Variants in RASGRP1 observed in about 807,000 individuals in gnomAD.
The protein encoded by RASGRP1 is RAS guanyl-releasing protein 1.
In RASGRP1, 37 loss-of-function variants were observed where a neutral mutation model predicts 95.1. The observed-to-expected ratio is 0.39, with a 90% confidence interval of 0.30 to 0.51. RASGRP1 has a LOEUF of 0.51. RASGRP1 is among the 20% of genes least tolerant of loss of function. RASGRP1 has a pLI of 0.80. For missense variants in RASGRP1, 711 were observed against 965.4 expected (o/e 0.74, Z 3.49); for synonymous variants, 325 against 353.4 (o/e 0.92, Z 0.90).
intron 2 of RASGRP1, among the ~76,000 whole-genome samples, chr15:38,553,765 A>G (rs1893429800): frequency 6.6e-6 from 1 of 152,208 alleles, no homozygotes; most frequent in African/African-American, 2.4e-5. Context: ...GAAAAATCTG[A>G]TAAAAGTGCT....
At chr15:38,501,979 C>T (rs547680569) in intron 12 of RASGRP1, among the ~76,000 whole-genome samples, 50 of 151,958 alleles carry the variant, frequency 3.3e-4, no homozygotes, top group African/African-American at 1.1e-3. Flanking sequence ...CTCAGCCTCC[C>T]GAGTAGCTGG....
intron 2 of RASGRP1, among the ~76,000 whole-genome samples, chr15:38,531,242 GTGGAGGAGC>G (rs1432538185): frequency 6.6e-6 from 1 of 152,232 alleles, no homozygotes; most frequent in East Asian, 1.9e-4. Context: ...GGGACAATGG[GTGGAGGAGC>G]TGGGACCTGG....
chr15:38,549,219 T>TGGTGC (rs1365989014), intron 2 of RASGRP1, among the ~76,000 whole-genome samples: 1 of 152,196 alleles, frequency 6.6e-6, no homozygotes, highest in Admixed American at 6.5e-5. Flanking sequence ...AATCCAATTG[T>TGGTGC]GGTGCTCATG....
At chr15:38,535,092 T>C (rs959610823) in intron 2 of RASGRP1, among the ~76,000 whole-genome samples, 12 of 152,188 alleles carry the variant, frequency 7.9e-5, no homozygotes, top group African/African-American at 2.9e-4. Flanking sequence ...TGTTGAACAT[T>C]TGCATTGTAC....
intron 2 of RASGRP1, among the ~76,000 whole-genome samples, chr15:38,550,700 G>A (rs1473123097): frequency 6.6e-6 from 1 of 152,070 alleles, no homozygotes; most frequent in African/African-American, 2.4e-5. Context: ...ATTATGGGAA[G>A]CAAAAAGTTA....
At chr15:38,546,356 C>G (rs980632952) in intron 2 of RASGRP1, among the ~76,000 whole-genome samples, 4 of 152,000 alleles carry the variant, frequency 2.6e-5, no homozygotes, top group African/African-American at 7.2e-5. Context: ...TATTCTGTTG[C>G]GGCTGGGGCT....
In RASGRP1 at chr15:38,542,860, T is replaced by TATACATATATGTGTATATATAC. The variant is rs1566933410; in HGVS notation, c.221-16457_221-16456insGTATATATACACATATATGTAT. Among the ~76,000 whole-genome samples the TATACATATATGTGTATATATAC allele has an allele frequency of 9.2e-4, 113 of 122,472 alleles. 2 individuals carry two copies. The highest frequency in any genetic ancestry group is 8.8e-3 in the Admixed American group (96 of 10,932). 80.3% of individuals were successfully genotyped at this position (122,472 alleles called of 152,430 possible). A position where few individuals can be genotyped will look rare whatever the true frequency, so the allele number is the denominator to read the frequency against. On this transcript the variant is annotated intron_variant, in intron 2 of 16. Coordinates refer to ENST00000310803, the MANE Select transcript of RASGRP1 (RefSeq NM_005739.4). ...GTATATATATATATGTGTATATATA[T>TATACATATATGTGTATATATAC]ACACATATATGTGTATATATATACA...
chr15:38,501,998 G>A (rs1331770944), intron 12 of RASGRP1, among the ~76,000 whole-genome samples: 4 of 151,842 alleles, frequency 2.6e-5, no homozygotes, highest in African/African-American at 7.3e-5. Context: ...GGGATTACAG[G>A]TGCCCACCAC....
Position 38,494,503 on chromosome 15 carries a change from C to T in RASGRP1, c.2138G>A (p.Cys713Tyr). ...LYVLPSPTSP[C>Y]PSPVLVRKRA... ...CTTTCTGACCAAGACTGGGCTAGGA[C>T]ATGGAGAGGTGGGACTGGGAAGCAC... is the stretch of plus-strand genomic sequence containing the variant. The change falls in exon 16 of 17, where the codon TGT (cysteine) becomes TAT (tyrosine). Residue 713 changes from cysteine to tyrosine, a missense_variant. This residue lies in a region of RASGRP1 where 212 missense variants were observed against 247.8 expected (regional missense o/e 0.86). Coordinates refer to ENST00000310803, the MANE Select transcript of RASGRP1 (RefSeq NM_005739.4). 6.2e-7 allele frequency: 1 copy of T among 1,605,698 alleles called. No individual in the cohort carries two copies. Among genetic ancestry groups the T allele is most frequent in the Non-Finnish European group, 8.5e-7 (1 of 1,175,952 alleles).
chr15:38,515,770 G>A (rs1490029319), intron 6 of RASGRP1, among the ~76,000 whole-genome samples: 6 of 135,292 alleles, frequency 4.4e-5, no homozygotes, highest in South Asian at 2.4e-4. Flanking sequence ...TCCTCTCCCC[G>A]CCCCCGCACC....
Position 38,498,868 on chromosome 15 carries a change from G to A in RASGRP1, c.1799C>T (p.Ala600Val). The A allele has an allele frequency of 1.9e-6, 3 of 1,613,940 alleles. No individual in the cohort carries two copies. The highest frequency in any genetic ancestry group is 1.7e-5 in the Admixed American group (1 of 60,018). The change falls in exon 15 of 17, where the codon GCT (alanine) becomes GTT (valine). Residue 600 changes from alanine to valine, a missense_variant. Transcript: ENST00000310803. ...ECKKRAKNPV[A>V]PTENNTSVGP... ...CACAGAAGTGTTGTTCTCTGTGGGA[G>A]CTACTGGGTTCTTGGCTCGCTTCTT... is the stretch of plus-strand genomic sequence containing the variant.
rs117230636 is a variant in RASGRP1, at chr15:38,547,868, T to C, written c.220+11953A>G. Among the ~76,000 whole-genome samples the C allele has an allele frequency of 5.7e-3, 856 of 150,706 alleles. 18 individuals carry two copies. In the East Asian group the frequency reaches 0.085, roughly 15 times the overall value. ...AACTGTGTGTGTGTGCGCGCGCGCG[T>C]GTGTGTGTGTGTGAGATGGGGTGTG... is the stretch of plus-strand genomic sequence containing the variant. On this transcript the variant is annotated intron_variant, in intron 2 of 16. Transcript: ENST00000310803.
At chr15:38,519,508 C>T (rs1323485690) in intron 3 of RASGRP1, 137 bp from the exon 4 acceptor site, 2 of 702,498 alleles carry the variant, frequency 2.8e-6, no homozygotes, top group African/African-American at 1.8e-5. Flanking sequence ...ATCTTTCTGG[C>T]CAAAGGATAA....
At chr15:38,512,333 T>C (rs1891565556) in intron 7 of RASGRP1, among the ~76,000 whole-genome samples, 1 of 152,198 alleles carries the variant, frequency 6.6e-6, no homozygotes, top group African/African-American at 2.4e-5. Flanking sequence ...TATGGGTTCA[T>C]AGTACTTGTT....
At chr15:38,491,667 G>A (rs1478064599) in intron 16 of RASGRP1, among the ~76,000 whole-genome samples, 1 of 152,064 alleles carries the variant, frequency 6.6e-6, no homozygotes, top group East Asian at 1.9e-4. Context: ...TTATGGATAG[G>A]ACTGTTGAAT....
chr15:38,559,706 A>C, intron 2 of RASGRP1, 115 bp downstream of exon 2: 2 of 1,136,994 alleles, frequency 1.8e-6, no homozygotes, highest in Non-Finnish European at 2.5e-6. Context: ...TCAAAGGCTC[A>C]AAAGCTATTT....
intron 14 of RASGRP1, among the ~76,000 whole-genome samples, chr15:38,499,502 CAGAA>C (rs1241312701): frequency 1.3e-5 from 2 of 152,100 alleles, no homozygotes; most frequent in Non-Finnish European, 2.9e-5. Flanking sequence ...CCAGCCACGA[CAGAA>C]AGAGGATTTT....
At chr15:38,563,777 G>A (rs1385092114) in intron 1 of RASGRP1, among the ~76,000 whole-genome samples, 1 of 152,176 alleles carries the variant, frequency 6.6e-6, no homozygotes, top group African/African-American at 2.4e-5. Flanking sequence ...TATAAGCACG[G>A]GAAGTCCAGC....
At chr15:38,539,873 C>T (rs1892799063) in intron 2 of RASGRP1, among the ~76,000 whole-genome samples, 1 of 152,122 alleles carries the variant, frequency 6.6e-6, no homozygotes, top group East Asian at 1.9e-4. Context: ...TTTCCAATTT[C>T]ATCCATGTCC....
Sources: gnomAD v4.1 joint callset for allele counts (sites outside exome capture counted in the v4.1 genomes callset) on GRCh38, gnomAD v4.1.1 for gene constraint, gnomAD v4.1.1 regional missense constraint, MANE v1.5 for transcripts, NCBI Gene and HGNC (gene_info 2026-07-23, HGNC 2026-07-21) for gene names.